The following CA5B variants were observed in gnomAD, a reference collection of about 807,000 sequenced individuals.
CA5B encodes the protein carbonic anhydrase 5B.
Under a neutral mutation model 23.1 loss-of-function variants are expected in CA5B, and 15 were observed. That is an observed-to-expected ratio of 0.65 (90% CI 0.43 to 1.00). The LOEUF (loss-of-function observed/expected upper bound fraction) is 1.00, where lower values mean the gene tolerates loss of function less well. CA5B is among the 50% of genes least tolerant of loss of function. CA5B has a pLI of 0.00. For missense variants in CA5B, 236 were observed against 252.2 expected (o/e 0.94, Z 0.43); for synonymous variants, 84 against 98.5 (o/e 0.85, Z 0.87).
At chrX:15,773,991 T>C (rs1005305581) in intron 4 of CA5B, among the ~76,000 whole-genome samples, 5 of 112,672 alleles carry the variant, frequency 4.4e-5, no homozygotes, top group Non-Finnish European at 9.4e-5. Flanking sequence ...CGAATATTGG[T>C]ATTTCATTCA....
rs759870103 is a variant in CA5B, at chrX:15,785,780, G to T, written c.*3116G>T. ...CTTTCTGCAGTTCACCTGTTTCAAAGTATAGTTACCTTTAAAAGGGTAAAC... is the reference window on the plus strand; with the variant it reads ...CTTTCTGCAGTTCACCTGTTTCAAATTATAGTTACCTTTAAAAGGGTAAAC... On this transcript the variant is annotated 3_prime_UTR_variant, in exon 8 of 8. Coordinates refer to ENST00000318636, the MANE Select transcript of CA5B (RefSeq NM_007220.4). The T allele has an allele frequency of 8.9e-6, 1 of 112,679 alleles. No homozygotes were observed. Among genetic ancestry groups the T allele is most frequent in the South Asian group, 3.6e-4 (1 of 2,749 alleles). 9.3% of individuals were successfully genotyped at this position (112,679 alleles called of 1,213,427 possible).
intron 1 of CA5B, among the ~76,000 whole-genome samples, chrX:15,749,228 G>T (rs1931306298): frequency 1.8e-5 from 2 of 111,594 alleles, no homozygotes; most frequent in Non-Finnish European, 3.8e-5. Context: ...TATTGTGGTG[G>T]GGAAAGTGTT....
intron 2 of CA5B, among the ~76,000 whole-genome samples, chrX:15,752,479 A>G (rs1931382637): frequency 8.9e-6 from 1 of 112,126 alleles, no homozygotes; most frequent in Non-Finnish European, 1.9e-5. Flanking sequence ...TAATCTCAGC[A>G]CTTTGCGAGG....
Position 15,788,004 on chromosome X carries a change from G to A in CA5B, c.*5340G>A, listed in dbSNP as rs138264570. On this transcript the variant is annotated 3_prime_UTR_variant, in exon 8 of 8. Transcript: ENST00000318636. ...ACTTAAACACTGATGCTTTCAGAAC[G>A]GGCAGCAATTCTCAGCGTAAATTCT... The A allele has an allele frequency of 1.8e-5, 2 of 112,388 alleles. No individual in the cohort carries two copies. The highest frequency in any genetic ancestry group is 3.8e-5 in the Non-Finnish European group (2 of 53,278). The allele number at this position is 112,388 out of a possible 1,213,427, so 9.3% of individuals were successfully genotyped here. A position where few individuals can be genotyped will look rare whatever the true frequency, so the allele number is the denominator to read the frequency against.
chrX:15,752,330 CA>C (rs1287520398), intron 2 of CA5B, among the ~76,000 whole-genome samples: 1 of 111,505 alleles, frequency 9.0e-6, no homozygotes, highest in Non-Finnish European at 1.9e-5. Context: ...CATTACAAGA[CA>C]AAGAAGAAAA....
At chrX:15,743,211 C>G (rs1189460304) in intron 1 of CA5B, among the ~76,000 whole-genome samples, 1 of 112,494 alleles carries the variant, frequency 8.9e-6, no homozygotes, top group Non-Finnish European at 1.9e-5. Flanking sequence ...TTTAGATAGC[C>G]ATGTAACTAA....
chrX:15,757,875 GA>G (rs369038723), intron 2 of CA5B, among the ~76,000 whole-genome samples: 2 of 111,334 alleles, frequency 1.8e-5, no homozygotes, highest in African/African-American at 6.5e-5. Flanking sequence ...GTTCTAATAG[GA>G]AAACCTGGGC....
intron 1 of CA5B, among the ~76,000 whole-genome samples, chrX:15,739,902 A>G (rs187952792): frequency 1.2e-4 from 13 of 112,054 alleles, no homozygotes; most frequent in Non-Finnish European, 2.3e-4. Context: ...GGTGGTGATC[A>G]AAGGAAGGGT....
intron 1 of CA5B, among the ~76,000 whole-genome samples, chrX:15,746,088 A>G (rs868571468): frequency 5.1e-5 from 4 of 78,210 alleles, no homozygotes; most frequent in Middle Eastern, 0.016. Context: ...CTCAGGCTGG[A>G]GTGCAGTGGT....
In CA5B at chrX:15,773,688, C is replaced by T. The variant is rs772318870; in HGVS notation, c.460-614C>T. Among the ~76,000 whole-genome samples, 8 of 110,476 alleles carry T rather than the reference C, an allele frequency of 7.2e-5. No individual in the cohort carries two copies. In the South Asian group the frequency reaches 2.7e-3, roughly 38 times the overall value. On this transcript the variant is annotated intron_variant, in intron 4 of 7. Coordinates refer to ENST00000318636, the MANE Select transcript of CA5B (RefSeq NM_007220.4). ...CCTCCCAAAGTGCTGGGATTACAGG[C>T]GTGAGCCACCGCGCCCGGCCTGCCC...
At chrX:15,766,050 G>C (rs778672619) in intron 3 of CA5B, among the ~76,000 whole-genome samples, 3 of 106,192 alleles carry the variant, frequency 2.8e-5, no homozygotes, top group African/African-American at 1.0e-4. Flanking sequence ...CCAGCTACTC[G>C]GGAGGCTGAG....
intron 2 of CA5B, among the ~76,000 whole-genome samples, chrX:15,754,776 G>A (rs182053930): frequency 1.5e-3 from 170 of 112,256 alleles, no homozygotes; most frequent in African/African-American, 5.4e-3. Context: ...ATACTGATTT[G>A]TTATTCCAAT....
At chrX:15,765,094 G>A (rs940862823) in intron 3 of CA5B, among the ~76,000 whole-genome samples, 1 of 112,026 alleles carries the variant, frequency 8.9e-6, no homozygotes, top group Admixed American at 9.5e-5. Context: ...TATTGAATAT[G>A]TACTAATTTT....
rs1251980258 is a variant in CA5B at position 15,784,264 on chromosome X, T to G, written c.*1600T>G. Reference sequence around the variant, plus strand: ...TTATTATTTTGTATTATTTGCACGCTGTTACATAGTATATAATGATAATGT... The same window carrying G: ...TTATTATTTTGTATTATTTGCACGCGGTTACATAGTATATAATGATAATGT... On this transcript the variant is annotated 3_prime_UTR_variant, in exon 8 of 8. Coordinates refer to ENST00000318636, the MANE Select transcript of CA5B (RefSeq NM_007220.4). 8.9e-6 allele frequency: 1 copy of G among 112,656 alleles called. No homozygotes were observed. The highest frequency in any genetic ancestry group is 1.9e-5 in the Non-Finnish European group (1 of 53,354). The allele number at this position is 112,656 out of a possible 1,213,427, so 9.3% of individuals were successfully genotyped here. A position where few individuals can be genotyped will look rare whatever the true frequency, so the allele number is the denominator to read the frequency against.
At chrX:15,748,504 G>A (rs1054667956) in intron 1 of CA5B, among the ~76,000 whole-genome samples, 1 of 111,524 alleles carries the variant, frequency 9.0e-6, no homozygotes, top group African/African-American at 3.3e-5. Context: ...GATATCCTGA[G>A]TCAAACATTT....
rs989090277 is a variant in CA5B at position 15,785,692 on chromosome X, G to T, written c.*3028G>T. 3.6e-5 allele frequency: 4 copies of T among 111,353 alleles called. No homozygotes were observed. The highest frequency in any genetic ancestry group is 1.9e-5 in the Non-Finnish European group (1 of 53,069). 9.2% of individuals were successfully genotyped at this position (111,353 alleles called of 1,213,427 possible). ...GAAATGTGAAGGCTTTTGCATGTAT[G>T]CCCTAGGAAATGCATAGAATTCTTA... On this transcript the variant is annotated 3_prime_UTR_variant, in exon 8 of 8. Coordinates refer to ENST00000318636, the MANE Select transcript of CA5B (RefSeq NM_007220.4).
chrX:15,771,063 C>T (rs1214778841), intron 3 of CA5B, among the ~76,000 whole-genome samples: 10 of 107,079 alleles, frequency 9.3e-5, no homozygotes, highest in Admixed American at 3.9e-4. Flanking sequence ...CCACCGTGCC[C>T]GGCCAAAAAC....
intron 5 of CA5B, among the ~76,000 whole-genome samples, chrX:15,774,942 A>C (rs1424806739): frequency 8.9e-6 from 1 of 112,841 alleles, no homozygotes; most frequent in Non-Finnish European, 1.9e-5. Flanking sequence ...AAATGTGTCT[A>C]CTGCAGTTCT....
chrX:15,782,047 A>G (rs1932033610), intron 7 of CA5B, among the ~76,000 whole-genome samples: 1 of 112,364 alleles, frequency 8.9e-6, no homozygotes, highest in Non-Finnish European at 1.9e-5. Context: ...TGATTCAGTT[A>G]AATTGTTTTA....
Sources: gnomAD v4.1 joint callset for allele counts (sites outside exome capture counted in the v4.1 genomes callset) on GRCh38, gnomAD v4.1.1 for gene constraint, MANE v1.5 for transcripts, NCBI Gene and HGNC (gene_info 2026-07-23, HGNC 2026-07-21) for gene names.